PLXNA2: variants seen among roughly 807,000 people sequenced by gnomAD.
The protein encoded by PLXNA2 is plexin-A2.
In PLXNA2, 91 loss-of-function variants were observed where a neutral mutation model predicts 193.5. The ratio of observed to expected loss-of-function variants is 0.47; its 90% CI spans 0.40 to 0.56. The LOEUF is 0.56. Among genes scored for constraint, PLXNA2 ranks in the 20% least tolerant of loss-of-function variants. The pLI is 0.00. For missense variants in PLXNA2, 1,995 were observed against 2,503.2 expected (o/e 0.80, Z 4.33); for synonymous variants, 997 against 1,027.3 (o/e 0.97, Z 0.56).
At chr1:208,235,854 C>T (rs1671835413) in intron 1 of PLXNA2, among the ~76,000 whole-genome samples, 1 of 152,134 alleles carries the variant, frequency 6.6e-6, no homozygotes, top group African/African-American at 2.4e-5. Flanking sequence ...AGAACTTGAC[C>T]CCCTGTGGGT....
chr1:208,027,326 G>T lies in PLXNA2; in HGVS notation c.5602C>A (p.Leu1868Ile). Reference protein sequence around the residue: ...SKYSEELIGALEQDEQARRQR... With the variant: ...SKYSEELIGAIEQDEQARRQR... Reference sequence around the variant, plus strand: ...CGCCGTGCCTGCTCATCCTGCTCTAGGGCCCCGATGAGCTGAGGAGCAAAA... The same window carrying T: ...CGCCGTGCCTGCTCATCCTGCTCTATGGCCCCGATGAGCTGAGGAGCAAAA... Residue 1868 changes from leucine (L) to isoleucine (I), a missense_variant, in exon 32 of 32, where the codon CTA becomes ATA. This residue lies in a region of PLXNA2 where 1,291 missense variants were observed against 1,673.6 expected (regional missense o/e 0.77). Transcript: ENST00000367033. 6.2e-7 allele frequency: 1 copy of T among 1,612,928 alleles called. No individual in the cohort carries two copies. The highest frequency in any genetic ancestry group is 8.5e-7 in the Non-Finnish European group (1 of 1,179,938).
chr1:208,098,664 C>A lies in PLXNA2; in HGVS notation c.1731+182G>T, dbSNP rs550500496. ...AATGGGTAATGAATTTGCAGGGAAA[C>A]TGGAGAATGACTATGCCCTTTACAA... On this transcript the variant is annotated intron_variant, in intron 6 of 31. Transcript: ENST00000367033. 2.0e-5 allele frequency among the ~76,000 whole-genome samples: 3 copies of A among 152,302 alleles called. No homozygotes were observed. The South Asian group carries it at 6.2e-4, about 32-fold the overall frequency.
intron 1 of PLXNA2, among the ~76,000 whole-genome samples, chr1:208,222,437 A>C (rs116112664): frequency 5.6e-4 from 86 of 152,306 alleles, no homozygotes; most frequent in African/African-American, 2.0e-3. Flanking sequence ...CAGCACATGT[A>C]ACTCGGAGCG....
rs761090281 is a variant in PLXNA2 at position 208,217,112 on chromosome 1, C to T, written c.811G>A (p.Ala271Thr). 7 of 1,614,144 alleles carry T rather than the reference C, an allele frequency of 4.3e-6. No homozygotes were observed. Among genetic ancestry groups the T allele is most frequent in the East Asian group, 2.2e-5 (1 of 44,880 alleles). ...CGTGAGGTGTAGAAGAGGTCTCCAG[C>T]GGAGTTGATGGCCACACCCTCAGGG... ...ETPEGVAINS[A>T]GDLFYTSRIV... The change falls in exon 2 of 32, where the codon GCT becomes ACT. Residue 271 changes from alanine (A) to threonine (T), a missense_variant. Transcript: ENST00000367033. The surrounding 1 kb of genome is among the most constrained non-coding windows in gnomAD (Gnocchi z 4.7).
chr1:208,067,475 T>C (rs558599830), intron 12 of PLXNA2, among the ~76,000 whole-genome samples: 6 of 152,342 alleles, frequency 3.9e-5, no homozygotes, highest in Admixed American at 1.3e-4. Context: ...AGTAACGTCC[T>C]AGGCCTTCAC....
intron 3 of PLXNA2, among the ~76,000 whole-genome samples, chr1:208,145,962 C>G (rs929851222): frequency 2.6e-5 from 4 of 152,238 alleles, no homozygotes; most frequent in South Asian, 2.1e-4. Context: ...TGACTCCCCC[C>G]ACTCACCCCC....
At chr1:208,225,451 A>G (rs890590793) in intron 1 of PLXNA2, among the ~76,000 whole-genome samples, 3 of 152,082 alleles carry the variant, frequency 2.0e-5, no homozygotes, top group African/African-American at 7.2e-5. Flanking sequence ...CTGTGGGGCC[A>G]CAGGCACCTG....
chr1:208,221,384 T>G (rs1439765968), intron 1 of PLXNA2, among the ~76,000 whole-genome samples: 1 of 36,972 alleles, frequency 2.7e-5, no homozygotes, highest in East Asian at 5.2e-4. Flanking sequence ...TTTTTCTGTT[T>G]TTTTTTTTTT....
intron 8 of PLXNA2, 119 bp downstream of exon 8, chr1:208,095,910 G>T: frequency 1.3e-6 from 1 of 762,622 alleles, no homozygotes; most frequent in Non-Finnish European, 2.3e-6. Context: ...CAGGCCCCAT[G>T]GGGAAACTGT....
intron 1 of PLXNA2, among the ~76,000 whole-genome samples, chr1:208,221,211 A>G (rs957253683): frequency 6.6e-6 from 1 of 152,148 alleles, no homozygotes; most frequent in Non-Finnish European, 1.5e-5. Flanking sequence ...TCTTGATCTT[A>G]AAACAAAAGG....
intron 9 of PLXNA2, among the ~76,000 whole-genome samples, chr1:208,091,595 G>A (rs1168506895): frequency 3.3e-5 from 5 of 152,156 alleles, no homozygotes; most frequent in Non-Finnish European, 7.3e-5. Context: ...ATAGTAGGCC[G>A]GGCGGAGTGG....
chr1:208,145,273 T>G (rs1290949010), intron 3 of PLXNA2, among the ~76,000 whole-genome samples: 1 of 152,044 alleles, frequency 6.6e-6, no homozygotes, highest in Non-Finnish European at 1.5e-5. Flanking sequence ...TCTCCCACCT[T>G]CCCTGTGACA....
intron 12 of PLXNA2, among the ~76,000 whole-genome samples, chr1:208,078,873 C>T (rs911951560): frequency 6.6e-6 from 1 of 152,178 alleles, no homozygotes; most frequent in Admixed American, 6.5e-5. Flanking sequence ...GAGCTAATTG[C>T]GGCTCCTGAA....
intron 4 of PLXNA2, among the ~76,000 whole-genome samples, chr1:208,140,355 C>T (rs1396639277): frequency 1.3e-5 from 2 of 152,162 alleles, no homozygotes; most frequent in Non-Finnish European, 2.9e-5. Context: ...AGATATGCAG[C>T]TAAAATATAT....
rs1406677297 is a variant in PLXNA2, at chr1:208,152,026, G to A, written c.1372-9563C>T. The stretch of plus-strand genomic sequence containing the variant: ...CCTGCAGTCTGGAGAAAGGAGCAAA[G>A]GATGGGGTGTTTAAGAGGGTTATTA... On this transcript the variant is annotated intron_variant, in intron 3 of 31. Transcript: ENST00000367033. 2.6e-5 allele frequency among the ~76,000 whole-genome samples: 4 copies of A among 152,238 alleles called. No homozygotes were observed. The South Asian group carries it at 6.2e-4, about 24-fold the overall frequency.
chr1:208,217,620 C>T lies in PLXNA2; in HGVS notation c.303G>A (p.Gln101=), dbSNP rs756257877. 1 of 1,614,208 alleles carries T rather than the reference C, an allele frequency of 6.2e-7. No homozygotes were observed. The highest frequency in any genetic ancestry group is 1.1e-5 in the South Asian group (1 of 91,078). ...TGAGGGTGAGCACTTCGCTGCAGGG[C>T]TGCACGATGAGGGGCGGGTAACAAG... The part of the protein sequence containing the change: ...NKSCYPPLIV[Q]PCSEVLTLTN... Residue 101 remains glutamine, a synonymous_variant, in exon 2 of 32, where the codon CAG becomes CAA. Coordinates refer to ENST00000367033, the MANE Select transcript of PLXNA2 (RefSeq NM_025179.4). This position sits in a 1 kb window ranked among gnomAD's most constrained non-coding sequence, Gnocchi z 4.7.
intron 5 of PLXNA2, among the ~76,000 whole-genome samples, chr1:208,101,723 C>T (rs188660350): frequency 6.6e-5 from 10 of 152,162 alleles, no homozygotes; most frequent in Non-Finnish European, 8.8e-5. Context: ...TGATAATCCC[C>T]GATCTATAAT....
chr1:208,232,320 C>T (rs1671717071), intron 1 of PLXNA2, among the ~76,000 whole-genome samples: 2 of 152,196 alleles, frequency 1.3e-5, no homozygotes, highest in African/African-American at 4.8e-5. Context: ...CTCTGCAGTC[C>T]CTGCAGCCAG....
chr1:208,080,511 T>C (rs1666301012), intron 11 of PLXNA2, among the ~76,000 whole-genome samples: 1 of 152,210 alleles, frequency 6.6e-6, no homozygotes, highest in Non-Finnish European at 1.5e-5. Context: ...ATGTAAGCTT[T>C]CAGGACCAGG....
Sources: gnomAD v4.1 joint callset for allele counts (sites outside exome capture counted in the v4.1 genomes callset) on GRCh38, gnomAD v4.1.1 for gene constraint, gnomAD v4.1.1 regional missense constraint, Gnocchi (gnomAD v3.1) non-coding constraint, MANE v1.5 for transcripts, NCBI Gene and HGNC (gene_info 2026-07-23, HGNC 2026-07-21) for gene names.